Variants in OGA observed in about 807,000 individuals in gnomAD.
OGA encodes the protein O-GlcNAcase, also known as protein O-GlcNAcase.
OGA carries 21 observed loss-of-function variants against 102.0 expected under a neutral mutation model. The ratio of observed to expected loss-of-function variants is 0.21; its 90% confidence interval spans 0.15 to 0.30. The LOEUF is 0.30. OGA is among the 10% of genes least tolerant of loss of function. The pLI is 1.00. For synonymous variants in OGA, 408 were observed against 378.2 expected, an observed-to-expected ratio of 1.08 and a Z score of -0.91; for missense variants, 765 against 1,107.8, an observed-to-expected ratio of 0.69 and a Z score of 4.39.
At chr10:101,811,444 T>C (rs141410029) in intron 3 of OGA, among the ~76,000 whole-genome samples, 2 of 130,114 alleles carry the variant, frequency 1.5e-5, no homozygotes, top group East Asian at 2.1e-4. Context: ...GAATCACACC[T>C]GTAATCCCAG....
At position 101,791,147 on chromosome 10, in the gene OGA, T is replaced by C. The variant is rs1370082399; in HGVS notation, c.2262-59A>G. 2.4e-5 allele frequency: 36 copies of C among 1,519,624 alleles called. No homozygotes were observed. In the East Asian group the frequency reaches 5.4e-4, roughly 23 times the overall value. The allele number at this position is 1,519,624 out of a possible 1,614,324, so 94.1% of individuals were successfully genotyped here. Reference sequence around the variant, plus strand: ...TCAGTTGCTAATATAAAATTCAGACTTCAGTGATCCAAGACCCACTGTACT... The same window carrying C: ...TCAGTTGCTAATATAAAATTCAGACCTCAGTGATCCAAGACCCACTGTACT... On this transcript the variant is annotated intron_variant, in intron 13 of 15. Coordinates refer to ENST00000361464, the MANE Select transcript of OGA (RefSeq NM_012215.5).
At chr10:101,816,357 T>C (rs1027087899) in intron 1 of OGA, among the ~76,000 whole-genome samples, 4 of 152,248 alleles carry the variant, frequency 2.6e-5, no homozygotes, top group African/African-American at 9.6e-5. Context: ...GGAGGAGGAA[T>C]AAACGAGAGA....
At chr10:101,817,725 C>T (rs2135108736) in intron 1 of OGA, 99 bp downstream of exon 1, 5 of 1,354,452 alleles carry the variant, frequency 3.7e-6, no homozygotes, top group Non-Finnish European at 5.0e-6. Flanking sequence ...GACCCAGAGG[C>T]TTTCCGGCCT....
At chr10:101,796,243 T>C (rs2065314556) in intron 10 of OGA, among the ~76,000 whole-genome samples, 1 of 152,100 alleles carries the variant, frequency 6.6e-6, no homozygotes, top group Non-Finnish European at 1.5e-5. Context: ...ATGTCTCCCA[T>C]GTACAGGAGC....
intron 7 of OGA, among the ~76,000 whole-genome samples, chr10:101,803,477 C>T (rs1179920083): frequency 7.0e-6 from 1 of 141,976 alleles, no homozygotes; most frequent in Non-Finnish European, 1.5e-5. Context: ...AAAAAAAAAA[C>T]TAAGGCAAAG....
intron 7 of OGA, among the ~76,000 whole-genome samples, chr10:101,802,857 G>A (rs563274863): frequency 6.8e-6 from 1 of 147,262 alleles, no homozygotes; most frequent in African/African-American, 2.5e-5. Flanking sequence ...TATTCCATTC[G>A]GCCAGGCAGG....
chr10:101,805,949 C>T (rs1439474930), intron 6 of OGA, 96 bp downstream of exon 6: 20 of 791,802 alleles, frequency 2.5e-5, no homozygotes, highest in Middle Eastern at 2.4e-4. Context: ...AGTGAGACTC[C>T]GTCTCAAAAA....
intron 3 of OGA, among the ~76,000 whole-genome samples, chr10:101,811,470 C>T (rs948801782): frequency 7.0e-6 from 1 of 142,728 alleles, no homozygotes; most frequent in Non-Finnish European, 1.5e-5. Flanking sequence ...TGAGAGGCCA[C>T]GGCAAGTTGA....
At chr10:101,805,411 T>C (rs1050328107) in intron 6 of OGA, among the ~76,000 whole-genome samples, 3 of 152,136 alleles carry the variant, frequency 2.0e-5, no homozygotes, top group Non-Finnish European at 4.4e-5. Flanking sequence ...TCCCAGCACT[T>C]TGGGAGGCCG....
At chr10:101,814,390 G>A (rs1043537310) in intron 1 of OGA, among the ~76,000 whole-genome samples, 2 of 152,158 alleles carry the variant, frequency 1.3e-5, no homozygotes, top group Admixed American at 1.3e-4. Flanking sequence ...ACAAATCAGA[G>A]ATAGGATTAG....
At position 101,813,105 on chromosome 10, in the gene OGA, T is replaced by A; in HGVS notation, c.274A>T (p.Thr92Ser). The change falls in exon 3 of 16, where the codon ACA (threonine) becomes TCA (serine). Residue 92 changes from threonine (T) to serine (S), a missense_variant. Thr to Ser is a moderately conservative substitution (Grantham distance 58). This residue lies in a region of OGA where 165 missense variants were observed against 249.7 expected (regional missense o/e 0.66). Transcript: ENST00000361464. Reference protein sequence around the residue: ...FRRLQKWELNTYLYAPKDDYK... With the variant: ...FRRLQKWELNSYLYAPKDDYK... ...TCATCTTTTGGGGCATACAAGTATG[T>A]ATTTAATTCCCATTTCTGGAGCCTT... The A allele has an allele frequency of 6.2e-7, 1 of 1,611,410 alleles. No homozygotes were observed. The highest frequency in any genetic ancestry group is 1.1e-5 in the South Asian group (1 of 90,270).
At chr10:101,799,626 G>C (rs1159357865) in intron 8 of OGA, among the ~76,000 whole-genome samples, 171 bp from the exon 9 acceptor site, 8 of 152,090 alleles carry the variant, frequency 5.3e-5, no homozygotes, top group Non-Finnish European at 8.8e-5. Context: ...TATACTACTA[G>C]GGATGCAGGA....
At chr10:101,791,797 G>A (rs1055021034) in intron 12 of OGA, among the ~76,000 whole-genome samples, 1 of 151,676 alleles carries the variant, frequency 6.6e-6, no homozygotes, top group Non-Finnish European at 1.5e-5. Flanking sequence ...CTCCCAATTC[G>A]CTGGGATTAC....
At chr10:101,789,029 C>A (rs1026253664) in intron 14 of OGA, among the ~76,000 whole-genome samples, 2 of 152,154 alleles carry the variant, frequency 1.3e-5, no homozygotes, top group African/African-American at 4.8e-5. Flanking sequence ...TATTTTACCA[C>A]AATTTTTAAA....
At chr10:101,815,282 C>CT (rs199871793) in intron 1 of OGA, among the ~76,000 whole-genome samples, 10,115 of 147,394 alleles carry the variant, frequency 0.069, 395 homozygotes, top group African/African-American at 0.1. Flanking sequence ...ACAAAATATT[C>CT]TTTTTTTTTT....
At chr10:101,816,775 C>A (rs549299538) in intron 1 of OGA, among the ~76,000 whole-genome samples, 3 of 152,082 alleles carry the variant, frequency 2.0e-5, no homozygotes, top group East Asian at 3.9e-4. Flanking sequence ...CCATAACCAC[C>A]ACCCATTTTT....
At chr10:101,796,848 C>CA (rs1158198731) in intron 10 of OGA, among the ~76,000 whole-genome samples, 1 of 152,076 alleles carries the variant, frequency 6.6e-6, no homozygotes, top group East Asian at 1.9e-4. Flanking sequence ...CCTCAGCCAC[C>CA]AAGAGCGCTG....
chr10:101,806,774 C>T (rs1038285031), intron 5 of OGA, among the ~76,000 whole-genome samples: 1 of 152,082 alleles, frequency 6.6e-6, no homozygotes, highest in African/African-American at 2.4e-5. Context: ...AGAACTAATA[C>T]AAGAATATGC....
At chr10:101,789,718 A>C (rs1349095171) in intron 14 of OGA, among the ~76,000 whole-genome samples, 1 of 152,140 alleles carries the variant, frequency 6.6e-6, no homozygotes, top group Non-Finnish European at 1.5e-5. Flanking sequence ...TCGTGCTTGT[A>C]ATCCTAGCAG....
Sources: gnomAD v4.1 joint callset for allele counts (sites outside exome capture counted in the v4.1 genomes callset) on GRCh38, gnomAD v4.1.1 for gene constraint, gnomAD v4.1.1 regional missense constraint, MANE v1.5 for transcripts, NCBI Gene and HGNC (gene_info 2026-07-23, HGNC 2026-07-21) for gene names.